MDGA2: variants seen among roughly 807,000 people sequenced by gnomAD.
MDGA2 encodes MAM domain containing glycosylphosphatidylinositol anchor 2, also known as MAM domain-containing glycosylphosphatidylinositol anchor protein 2.
Under a neutral mutation model 117.8 loss-of-function variants are expected in MDGA2, and 40 were observed. The ratio of observed to expected loss-of-function variants is 0.34; its 90% CI spans 0.26 to 0.44. The LOEUF is 0.44. Among genes scored for constraint, MDGA2 ranks in the 20% least tolerant of loss-of-function variants. The probability of loss-of-function intolerance (pLI) is 1.00; values close to 1 mark genes in which losing one functional copy is unlikely to be tolerated. For missense variants in MDGA2, 1,123 were observed against 1,250.6 expected (o/e 0.90, Z 1.54); for synonymous variants, 452 against 439.0 (o/e 1.03, Z -0.37).
intron 8 of MDGA2, among the ~76,000 whole-genome samples, chr14:47,013,772 G>GTGTGTGTATATATATATATATATATATA (rs1555343310): frequency 4.3e-5 from 4 of 93,702 alleles, no homozygotes; most frequent in South Asian, 3.9e-4. Context: ...TAATTTCCTT[G>GTGTGTGTATATATATATATATATATATA]TATATATATA....
chr14:47,561,085 G>A (rs975408982), intron 1 of MDGA2, among the ~76,000 whole-genome samples: 1 of 148,184 alleles, frequency 6.7e-6, no homozygotes, highest in African/African-American at 2.5e-5. Context: ...CGCTATTTTG[G>A]TTACTTTGGC....
chr14:47,023,692 A>G (rs1888374235), intron 8 of MDGA2, among the ~76,000 whole-genome samples: 2 of 152,174 alleles, frequency 1.3e-5, no homozygotes, highest in South Asian at 4.1e-4. Context: ...CAGGGAATTC[A>G]AGAGGAGAAA....
chr14:47,633,872 C>A (rs1255609010), intron 1 of MDGA2, among the ~76,000 whole-genome samples: 1 of 152,104 alleles, frequency 6.6e-6, no homozygotes, highest in Non-Finnish European at 1.5e-5. Context: ...AGTTTTGTAA[C>A]ATAAGGATTG....
chr14:47,321,477 C>T (rs1338852401), intron 1 of MDGA2, among the ~76,000 whole-genome samples: 1 of 152,156 alleles, frequency 6.6e-6, no homozygotes, highest in Non-Finnish European at 1.5e-5. Flanking sequence ...GAAACCTAAC[C>T]TCTACCTGCT....
rs909761922 is a variant in MDGA2, at chr14:46,891,692, T to A, written c.2239-9471A>T. On this transcript the variant is annotated intron_variant, in intron 10 of 16. Transcript: ENST00000399232. Reference sequence around the variant, plus strand: ...TGAAATTTCGATACATTAAATAATTTTTTGTTTTAGTTTCTAAAAGAATAG... The same window carrying A: ...TGAAATTTCGATACATTAAATAATTATTTGTTTTAGTTTCTAAAAGAATAG... Among the ~76,000 whole-genome samples, 5 of 151,778 alleles carry A rather than the reference T, an allele frequency of 3.3e-5. No homozygotes were observed. The East Asian group carries it at 9.6e-4, about 29-fold the overall frequency.
At chr14:47,065,677 T>A (rs1269893909) in intron 6 of MDGA2, among the ~76,000 whole-genome samples, 3 of 152,180 alleles carry the variant, frequency 2.0e-5, no homozygotes, top group Non-Finnish European at 4.4e-5. Context: ...AAACTAAAAT[T>A]TATTGACAGA....
At chr14:46,950,926 T>G (rs2138611291) in intron 9 of MDGA2, among the ~76,000 whole-genome samples, 1 of 152,062 alleles carries the variant, frequency 6.6e-6, no homozygotes, top group African/African-American at 2.4e-5. Context: ...GAGTCAAATC[T>G]GCTTTAGTAG....
chr14:47,301,440 A>T lies in MDGA2; in HGVS notation c.391T>A (p.Cys131Ser), dbSNP rs370057155. 115 of 1,551,822 alleles carry T rather than the reference A, an allele frequency of 7.4e-5. No homozygotes were observed. The African/African-American group carries it at 1.4e-3, about 19-fold the overall frequency. Residue 131 changes from cysteine (C) to serine (S), a missense_variant, in exon 2 of 17, where the codon TGT becomes AGT. Coordinates refer to ENST00000399232, the MANE Select transcript of MDGA2 (RefSeq NM_001113498.3). ...IREGETLELT[C>S]LVTGHPRPQI... ...GGACGTGGATGTCCTGTGACTAGAC[A>T]AGTCAACTCAAGGGTTTCTCCTTCC...
At chr14:47,277,527 C>T (rs899007048) in intron 2 of MDGA2, among the ~76,000 whole-genome samples, 22 of 152,074 alleles carry the variant, frequency 1.4e-4, no homozygotes, top group Non-Finnish European at 2.9e-4. Flanking sequence ...AATTCTTATG[C>T]ATTTGATTGG....
chr14:47,075,510 G>A (rs1248684742), intron 6 of MDGA2, among the ~76,000 whole-genome samples: 1 of 152,102 alleles, frequency 6.6e-6, no homozygotes, highest in African/African-American at 2.4e-5. Flanking sequence ...TCAGACAACT[G>A]ACAAAATTTG....
At chr14:47,476,393 T>C (rs891573491) in intron 1 of MDGA2, among the ~76,000 whole-genome samples, 1 of 152,118 alleles carries the variant, frequency 6.6e-6, no homozygotes, top group Non-Finnish European at 1.5e-5. Context: ...TTTTTTTTTG[T>C]AAAATAAAGA....
intron 1 of MDGA2, among the ~76,000 whole-genome samples, chr14:47,370,066 T>C (rs1321553909): frequency 6.6e-6 from 1 of 152,006 alleles, no homozygotes; most frequent in African/African-American, 2.4e-5. Context: ...AGACATATTC[T>C]TTTTTCGTTT....
intron 10 of MDGA2, among the ~76,000 whole-genome samples, chr14:46,894,979 G>T (rs182542778): frequency 1.6e-3 from 243 of 152,230 alleles, no homozygotes; most frequent in Non-Finnish European, 2.7e-3. Flanking sequence ...CTGATAAATT[G>T]GAATTAAGCA....
At chr14:46,981,277 G>A (rs1324134677) in intron 8 of MDGA2, among the ~76,000 whole-genome samples, 3 of 151,772 alleles carry the variant, frequency 2.0e-5, no homozygotes, top group African/African-American at 4.8e-5. Context: ...GGTGGTATGC[G>A]CCTGTAATCC....
intron 1 of MDGA2, among the ~76,000 whole-genome samples, chr14:47,558,110 G>A (rs1275910182): frequency 6.6e-6 from 1 of 152,142 alleles, no homozygotes; most frequent in Non-Finnish European, 1.5e-5. Flanking sequence ...GCAGGAAGAA[G>A]GTATGACTGA....
chr14:47,027,287 T>C (rs975781005), intron 8 of MDGA2, among the ~76,000 whole-genome samples: 1 of 152,152 alleles, frequency 6.6e-6, no homozygotes, highest in African/African-American at 2.4e-5. Flanking sequence ...TATTATCCAG[T>C]TGAATTCATT....
At chr14:46,845,899 A>AT (rs1880819353) in intron 15 of MDGA2, 28 bp from the exon 16 acceptor site, 1 of 1,510,916 alleles carries the variant, frequency 6.6e-7, no homozygotes, top group Non-Finnish European at 9.2e-7. Context: ...ACAAACCTAA[A>AT]TGTGGAGCTT....
At chr14:47,054,515 T>G (rs1313278841) in intron 7 of MDGA2, among the ~76,000 whole-genome samples, 3 of 140,848 alleles carry the variant, frequency 2.1e-5, no homozygotes, top group Non-Finnish European at 3.1e-5. Flanking sequence ...CCTTCCTGTG[T>G]CCATGTGTTC....
At chr14:46,889,245 T>C (rs1056454406) in intron 10 of MDGA2, among the ~76,000 whole-genome samples, 2 of 152,092 alleles carry the variant, frequency 1.3e-5, no homozygotes, top group African/African-American at 4.8e-5. Flanking sequence ...AATTTGAGTA[T>C]CATCTTCTTT....
Sources: allele counts gnomAD v4.1 joint callset (sites outside exome capture counted in the v4.1 genomes callset), GRCh38; gene constraint gnomAD v4.1.1; transcripts MANE v1.5; gene names NCBI Gene and HGNC (gene_info 2026-07-23, HGNC 2026-07-21).